The following ADAM12 variants were observed in gnomAD, a reference collection of about 807,000 sequenced individuals.
The protein encoded by ADAM12 is disintegrin and metalloproteinase domain-containing protein 12.
Under a neutral mutation model 106.4 loss-of-function variants are expected in ADAM12, and 70 were observed. The observed-to-expected ratio is 0.66, with a 90% confidence interval of 0.54 to 0.80. The LOEUF (loss-of-function observed/expected upper bound fraction) is 0.80. Ranked by LOEUF, ADAM12 falls within the 30% of genes least tolerant of loss-of-function variation. ADAM12 has a pLI of 0.00. For missense variants in ADAM12, 1,010 were observed against 1,171.9 expected (o/e 0.86, Z 2.02); for synonymous variants, 420 against 433.5 (o/e 0.97, Z 0.39).
chr10:126,335,398 G>A (rs2133859271), intron 1 of ADAM12, among the ~76,000 whole-genome samples: 1 of 152,280 alleles, frequency 6.6e-6, no homozygotes, highest in Non-Finnish European at 1.5e-5. Flanking sequence ...AAATCTAAGT[G>A]AAAGCAAAAA....
At chr10:126,135,481 C>A in intron 5 of ADAM12, 103 bp downstream of exon 5, 2 of 1,109,482 alleles carry the variant, frequency 1.8e-6, no homozygotes, top group Non-Finnish European at 2.7e-6. Flanking sequence ...GAGCTGGGAG[C>A]CCCCATCACT....
chr10:126,272,525 A>G lies in ADAM12; in HGVS notation c.260+6390T>C, dbSNP rs1959183334. 2.0e-5 allele frequency among the ~76,000 whole-genome samples: 3 copies of G among 152,234 alleles called. 1 individual carries two copies. The highest frequency in any genetic ancestry group is 2.0e-4 in the Admixed American group (3 of 15,286). On this transcript the variant is annotated intron_variant, in intron 3 of 22. Coordinates refer to ENST00000448723, the MANE Select transcript of ADAM12 (RefSeq NM_001288973.2). ...TAGTAAAGATAATTATTAATAAGATATTAATAAAGATTCTGATAAAGATCA... is the reference window on the plus strand; with the variant it reads ...TAGTAAAGATAATTATTAATAAGATGTTAATAAAGATTCTGATAAAGATCA...
intron 3 of ADAM12, among the ~76,000 whole-genome samples, chr10:126,159,149 A>T (rs1371288015): frequency 6.6e-6 from 1 of 152,034 alleles, no homozygotes; most frequent in African/African-American, 2.4e-5. Context: ...CTCTACTAAA[A>T]ATACAAAAAA....
chr10:126,318,081 A>G lies in ADAM12; in HGVS notation c.186+12331T>C, dbSNP rs142090722. ...GCCTATCTAGTACCTAGAGTCTCTA[A>G]TACCATTCTCCAAGGAATCGGGCTC... On this transcript the variant is annotated intron_variant, in intron 2 of 22. Coordinates refer to ENST00000448723, the MANE Select transcript of ADAM12 (RefSeq NM_001288973.2). 5.0e-3 allele frequency among the ~76,000 whole-genome samples: 768 copies of G among 152,250 alleles called. 11 individuals are homozygous for G. Among genetic ancestry groups the G allele is most frequent in the African/African-American group, 0.018 (732 of 41,532 alleles).
At chr10:126,315,340 G>T (rs983799311) in intron 2 of ADAM12, among the ~76,000 whole-genome samples, 1 of 152,088 alleles carries the variant, frequency 6.6e-6, no homozygotes, top group Non-Finnish European at 1.5e-5. Flanking sequence ...AACTCTGCTC[G>T]CCAGCTCTTT....
chr10:126,139,914 G>A (rs1956479292), intron 4 of ADAM12, among the ~76,000 whole-genome samples: 1 of 148,806 alleles, frequency 6.7e-6, no homozygotes, highest in Non-Finnish European at 1.5e-5. Context: ...CTCTTAGTTG[G>A]GTATGTAGGG....
At chr10:126,293,338 A>T (rs557805947) in intron 2 of ADAM12, among the ~76,000 whole-genome samples, 1 of 151,794 alleles carries the variant, frequency 6.6e-6, no homozygotes, top group South Asian at 2.1e-4. Context: ...GCCCTATGGG[A>T]TCCACACATG....
At chr10:126,060,461 C>T (rs1392519771) in intron 14 of ADAM12, among the ~76,000 whole-genome samples, 1 of 152,146 alleles carries the variant, frequency 6.6e-6, no homozygotes, top group African/African-American at 2.4e-5. Context: ...GCCGGTGGGG[C>T]AAGGACTCAA....
intron 2 of ADAM12, among the ~76,000 whole-genome samples, chr10:126,309,517 T>A (rs1239798416): frequency 6.6e-6 from 1 of 152,186 alleles, no homozygotes; most frequent in African/African-American, 2.4e-5. Context: ...ATTAAGTAAT[T>A]CTTACTAATG....
chr10:126,111,424 G>A (rs899426452), intron 6 of ADAM12, among the ~76,000 whole-genome samples: 4 of 152,018 alleles, frequency 2.6e-5, no homozygotes, highest in Non-Finnish European at 4.4e-5. Context: ...TCATTGAGGC[G>A]TGAAAGAGGC....
intron 2 of ADAM12, among the ~76,000 whole-genome samples, chr10:126,319,270 C>G (rs1292172551): frequency 6.6e-6 from 1 of 152,164 alleles, no homozygotes; most frequent in Admixed American, 6.5e-5. Flanking sequence ...CGCACAGTGA[C>G]CTCCTTCCAG....
At chr10:126,161,548 A>G (rs1351231544) in intron 3 of ADAM12, among the ~76,000 whole-genome samples, 1 of 152,228 alleles carries the variant, frequency 6.6e-6, no homozygotes, top group Non-Finnish European at 1.5e-5. Context: ...AATACGTGAA[A>G]GAATAAGTGA....
At chr10:126,078,513 T>C (rs965661609) in intron 11 of ADAM12, among the ~76,000 whole-genome samples, 8 of 152,200 alleles carry the variant, frequency 5.3e-5, no homozygotes, top group African/African-American at 1.9e-4. Flanking sequence ...AGTGGAACTG[T>C]GCAGTCCAAG....
intron 3 of ADAM12, among the ~76,000 whole-genome samples, chr10:126,219,089 C>A (rs1289699785): frequency 6.6e-6 from 1 of 152,228 alleles, no homozygotes; most frequent in African/African-American, 2.4e-5. Flanking sequence ...GCCTGGAGAA[C>A]TTCACAGGTC....
At chr10:126,269,542 G>A (rs936876055) in intron 3 of ADAM12, among the ~76,000 whole-genome samples, 5 of 152,116 alleles carry the variant, frequency 3.3e-5, no homozygotes, top group East Asian at 1.9e-4. Context: ...GTATCTGCAC[G>A]TAACCATCCC....
chr10:126,051,576 T>TCCAG (rs778622898), intron 14 of ADAM12, among the ~76,000 whole-genome samples: 1,669 of 84,410 alleles, frequency 0.02, 18 homozygotes, highest in Middle Eastern at 0.054. Context: ...CATCCATCCA[T>TCCAG]CCATCCATCC....
chr10:126,209,110 C>G lies in ADAM12; in HGVS notation c.261-53805G>C, dbSNP rs147494775. ...AAAGGAAAGAAGAACGCTGTCAATT[C>G]ACTGTTGGGAATCTTGGCAGCAAGC... On this transcript the variant is annotated intron_variant, in intron 3 of 22. Coordinates refer to ENST00000448723, the MANE Select transcript of ADAM12 (RefSeq NM_001288973.2). 6.8e-3 allele frequency among the ~76,000 whole-genome samples: 1,032 copies of G among 152,276 alleles called. 11 individuals are homozygous for G. The highest frequency in any genetic ancestry group is 0.024 in the African/African-American group (983 of 41,564).
intron 1 of ADAM12, among the ~76,000 whole-genome samples, chr10:126,345,672 A>T (rs990408730): frequency 6.6e-6 from 1 of 152,144 alleles, no homozygotes; most frequent in African/African-American, 2.4e-5. Flanking sequence ...TTTGGTTGGT[A>T]GACTATTAAT....
chr10:126,282,812 C>T (rs973228828), intron 2 of ADAM12, among the ~76,000 whole-genome samples: 1 of 152,118 alleles, frequency 6.6e-6, no homozygotes, highest in Non-Finnish European at 1.5e-5. Flanking sequence ...CAGTCCCCAA[C>T]ATTTTTGCCA....
Sources: gnomAD v4.1 joint callset for allele counts (sites outside exome capture counted in the v4.1 genomes callset) on GRCh38, gnomAD v4.1.1 for gene constraint, MANE v1.5 for transcripts, NCBI Gene and HGNC (gene_info 2026-07-23, HGNC 2026-07-21) for gene names.